The following SMARCA2 variants were observed in gnomAD, a reference collection of about 807,000 sequenced individuals.
SMARCA2 encodes SWI/SNF-related matrix-associated actin-dependent regulator of chromatin subfamily A member 2.
SMARCA2 carries 61 observed loss-of-function variants against 199.8 expected under a neutral mutation model. The observed-to-expected ratio is 0.31, with a 90% confidence interval of 0.25 to 0.38. The LOEUF is 0.38. Among genes scored for constraint, SMARCA2 ranks in the 10% least tolerant of loss-of-function variants. The pLI is 1.00. For synonymous variants in SMARCA2, 935 were observed against 732.0 expected, an observed-to-expected ratio of 1.28 and a Z score of -4.48; for missense variants, 1,344 against 2,012.2, an observed-to-expected ratio of 0.67 and a Z score of 6.35.
intron 3 of SMARCA2, among the ~76,000 whole-genome samples, chr9:2,037,753 G>C (rs898686603): frequency 6.6e-6 from 1 of 152,132 alleles, no homozygotes; most frequent in African/African-American, 2.4e-5. Context: ...TTTATTAAAG[G>C]GCAGAGACTT....
rs572752627 is a variant in SMARCA2, at chr9:2,156,209, G to C, written c.3982-5477G>C. 3.3e-5 allele frequency among the ~76,000 whole-genome samples: 5 copies of C among 152,244 alleles called. No homozygotes were observed. The East Asian group carries it at 5.8e-4, about 18-fold the overall frequency. On this transcript the variant is annotated intron_variant, in intron 27 of 33. Transcript: ENST00000349721. ...GGCAAGACTGAACGTGCTATCTGTTGAAATGTTAAAAGGGTTGAATTCTGA... is the reference window on the plus strand; with the variant it reads ...GGCAAGACTGAACGTGCTATCTGTTCAAATGTTAAAAGGGTTGAATTCTGA...
intron 1 of SMARCA2, among the ~76,000 whole-genome samples, chr9:2,027,311 C>T (rs538548663): frequency 1.0e-3 from 156 of 151,704 alleles, no homozygotes; most frequent in Non-Finnish European, 1.7e-3. Flanking sequence ...GGCACGGTGG[C>T]GCCGCCTGTA....
At chr9:2,061,483 C>T (rs776221893) in intron 9 of SMARCA2, among the ~76,000 whole-genome samples, 6 of 152,066 alleles carry the variant, frequency 3.9e-5, no homozygotes, top group Non-Finnish European at 8.8e-5. Context: ...GGTGAGTGTG[C>T]ACATTGGGGT....
intron 18 of SMARCA2, 100 bp from the exon 19 acceptor site, chr9:2,088,400 G>C: frequency 7.4e-7 from 1 of 1,348,396 alleles, no homozygotes; most frequent in Non-Finnish European, 9.8e-7. Context: ...CATGTAAAAT[G>C]TCAATCATGT....
intron 27 of SMARCA2, among the ~76,000 whole-genome samples, chr9:2,135,550 T>A (rs1282151115): frequency 2.0e-5 from 3 of 152,168 alleles, no homozygotes; most frequent in Non-Finnish European, 4.4e-5. Context: ...CTTCCATCTA[T>A]CTAACAGTAA....
intron 21 of SMARCA2, among the ~76,000 whole-genome samples, chr9:2,099,723 T>A (rs1242882562): frequency 6.6e-6 from 1 of 152,178 alleles, no homozygotes; most frequent in Non-Finnish European, 1.5e-5. Context: ...TTGTTGTGTT[T>A]CGTTTGCCAC....
At chr9:2,081,477 C>G (rs753708852) in intron 14 of SMARCA2, among the ~76,000 whole-genome samples, 7 of 152,312 alleles carry the variant, frequency 4.6e-5, no homozygotes, top group African/African-American at 1.7e-4. Flanking sequence ...CCAAATCTGC[C>G]TTCACATTGG....
intron 3 of SMARCA2, among the ~76,000 whole-genome samples, chr9:2,037,104 A>G (rs911264612): frequency 3.3e-5 from 5 of 152,236 alleles, no homozygotes; most frequent in Non-Finnish European, 7.3e-5. Flanking sequence ...TGGTAGACTC[A>G]GTGCTGGCCA....
chr9:2,171,779 G>A (rs1276640240), intron 29 of SMARCA2, among the ~76,000 whole-genome samples: 2 of 152,198 alleles, frequency 1.3e-5, no homozygotes, highest in Non-Finnish European at 2.9e-5. Context: ...TAAATGGCAT[G>A]ATGTAAGCTG....
intron 27 of SMARCA2, among the ~76,000 whole-genome samples, chr9:2,148,526 A>C (rs1824881079): frequency 2.0e-5 from 3 of 151,354 alleles, no homozygotes; most frequent in Admixed American, 2.0e-4. Flanking sequence ...GTTTTAGGGT[A>C]CATGTGCACA....
intron 27 of SMARCA2, among the ~76,000 whole-genome samples, chr9:2,154,392 C>G (rs1360252120): frequency 6.6e-6 from 1 of 152,184 alleles, no homozygotes; most frequent in African/African-American, 2.4e-5. Flanking sequence ...CAGCCTCAAA[C>G]TACTATGCTT....
intron 9 of SMARCA2, among the ~76,000 whole-genome samples, chr9:2,064,923 G>A (rs1387201948): frequency 2.0e-5 from 3 of 152,222 alleles, no homozygotes; most frequent in Non-Finnish European, 2.9e-5. Flanking sequence ...GGCGGCTCAC[G>A]CCTGTAATCC....
intron 27 of SMARCA2, chr9:2,159,977 G>A: frequency 6.4e-7 from 1 of 1,553,792 alleles, no homozygotes; most frequent in Non-Finnish European, 8.7e-7. Flanking sequence ...GTGTAGGTGT[G>A]TAACACATCA....
At chr9:2,167,764 C>G (rs964728880) in intron 28 of SMARCA2, among the ~76,000 whole-genome samples, 1 of 152,158 alleles carries the variant, frequency 6.6e-6, no homozygotes, top group African/African-American at 2.4e-5. Flanking sequence ...ATATTTCCTT[C>G]ATTGTTTGCT....
At chr9:2,121,651 A>G (rs1823466206) in intron 26 of SMARCA2, among the ~76,000 whole-genome samples, 1 of 152,234 alleles carries the variant, frequency 6.6e-6, no homozygotes, top group Non-Finnish European at 1.5e-5. Context: ...ATGCAAACTT[A>G]TTATTTGATT....
intron 27 of SMARCA2, among the ~76,000 whole-genome samples, chr9:2,136,366 T>C (rs1824197472): frequency 6.6e-6 from 1 of 152,010 alleles, no homozygotes; most frequent in Non-Finnish European, 1.5e-5. Flanking sequence ...TTTTATATTA[T>C]TGGTAGAGAC....
intron 5 of SMARCA2, 162 bp downstream of exon 5, chr9:2,047,646 G>A: frequency 1.2e-6 from 1 of 852,560 alleles, no homozygotes; most frequent in Non-Finnish European, 1.6e-6. Context: ...GGTGCTGAGG[G>A]GAGGCACCGG....
intron 24 of SMARCA2, among the ~76,000 whole-genome samples, chr9:2,112,522 T>A (rs79258505): frequency 0.023 from 3,551 of 152,210 alleles, 126 homozygotes; most frequent in African/African-American, 0.081. Context: ...TTAAAAACTT[T>A]GAACTCTAGA....
intron 8 of SMARCA2, 34 bp downstream of exon 8, chr9:2,058,498 C>T: frequency 2.5e-6 from 4 of 1,587,522 alleles, no homozygotes; most frequent in East Asian, 2.2e-5. Flanking sequence ...CAGGAAACTA[C>T]TCAACCCACG....
Sources: gnomAD v4.1 joint callset for allele counts (sites outside exome capture counted in the v4.1 genomes callset) on GRCh38, gnomAD v4.1.1 for gene constraint, MANE v1.5 for transcripts, NCBI Gene and HGNC (gene_info 2026-07-23, HGNC 2026-07-21) for gene names.